The following PCDHGA2 variants were observed in gnomAD, a reference collection of about 807,000 sequenced individuals.
The protein encoded by PCDHGA2 is protocadherin gamma subfamily A, 2, also known as protocadherin gamma-A2.
A neutral mutation model predicts 59.2 loss-of-function variants in PCDHGA2; 40 were observed. The ratio of observed to expected loss-of-function variants is 0.68; its 90% confidence interval spans 0.52 to 0.88. PCDHGA2 has a LOEUF of 0.88. Among genes scored for constraint, PCDHGA2 ranks in the 40% least tolerant of loss-of-function variants. The pLI, the probability that PCDHGA2 is intolerant of heterozygous loss-of-function variation, is 0.00. For synonymous variants in PCDHGA2, 560 were observed against 526.0 expected (o/e 1.06, Z -0.89); for missense variants, 1,226 against 1,204.0 (o/e 1.02, Z -0.27).
intron 1 of PCDHGA2, chr5:141,419,333 A>T (rs1219255880): frequency 6.2e-7 from 1 of 1,613,804 alleles, no homozygotes; most frequent in South Asian, 1.1e-5. Context: ...CTACTCTCTC[A>T]TTGCCAGCGA....
rs767515334 is a variant in PCDHGA2, at chr5:141,403,753, C to A, written c.2424+62358C>A. ...CCTGGCTGCTTACTGCAACAGCCAG[C>A]GACCTGGATGAGGGAATCAACGGAA... is the stretch of plus-strand genomic sequence containing the variant. On this transcript the variant is annotated intron_variant, in intron 1 of 3. Transcript: ENST00000394576. The A allele has an allele frequency of 1.9e-6, 3 of 1,613,502 alleles. No individual in the cohort carries two copies. The Admixed American group carries it at 5.0e-5, about 27-fold the overall frequency.
chr5:141,399,697 T>C, intron 1 of PCDHGA2: 1 of 1,613,436 alleles, frequency 6.2e-7, no homozygotes. Context: ...GCTGCGCACC[T>C]TCGAACTCAC....
intron 1 of PCDHGA2, chr5:141,375,284 TATTATCGATTAGTGACAA>T: frequency 3.1e-6 from 5 of 1,613,832 alleles, no homozygotes; most frequent in Non-Finnish European, 4.2e-6. Context: ...AGTTGGCAAT[TATTATCGATTAGTGACAA>T]ATGCAGCTCT....
chr5:141,357,342 C>T (rs1760561177), intron 1 of PCDHGA2: 1 of 1,614,144 alleles, frequency 6.2e-7, no homozygotes, highest in Non-Finnish European at 8.5e-7. Context: ...TGCTAGCACT[C>T]AAGCTGAGAC....
At chr5:141,410,513 G>C in intron 1 of PCDHGA2, 1 of 1,613,954 alleles carries the variant, frequency 6.2e-7, no homozygotes, top group Non-Finnish European at 8.5e-7. Context: ...AAAATGCAGT[G>C]TGCCCCTACA....
intron 1 of PCDHGA2, chr5:141,366,487 G>C (rs962948172): frequency 6.2e-7 from 1 of 1,614,236 alleles, no homozygotes; most frequent in East Asian, 2.2e-5. Flanking sequence ...TGAGGCGCTG[G>C]CACAAGTCAC....
intron 1 of PCDHGA2, chr5:141,371,970 C>T: frequency 6.2e-7 from 1 of 1,613,250 alleles, no homozygotes; most frequent in East Asian, 2.2e-5. Context: ...CGAGCAGCTG[C>T]GTGCCTTCGA....
Position 141,485,519 on chromosome 5 carries a change from A to T in PCDHGA2, c.2425-9288A>T. ...GTTTGTCACCGAAGGTCCTTTGGAA[A>T]TGTACCGAGCAGAGGTAGAGATCGT... On this transcript the variant is annotated intron_variant, in intron 1 of 3. Transcript: ENST00000394576. The surrounding 1 kb of genome is among the most constrained non-coding windows in gnomAD (Gnocchi z 5.7). The T allele has an allele frequency of 6.2e-7, 1 of 1,614,150 alleles. No individual in the cohort carries two copies. The highest frequency in any genetic ancestry group is 8.5e-7 in the Non-Finnish European group (1 of 1,180,018).
chr5:141,375,973 C>T (rs577451422), intron 1 of PCDHGA2: 6 of 1,613,256 alleles, frequency 3.7e-6, no homozygotes, highest in Non-Finnish European at 4.2e-6. Context: ...GCACGGCGCG[C>T]GCCCTGCTGG....
At chr5:141,374,714 G>A (rs1236113306) in intron 1 of PCDHGA2, 1 of 1,609,850 alleles carries the variant, frequency 6.2e-7, no homozygotes, top group Middle Eastern at 1.7e-4. Flanking sequence ...TTACCGCCTG[G>A]TCCTTACTGC....
chr5:141,423,798 A>G (rs551396089), intron 1 of PCDHGA2: 76 of 1,222,390 alleles, frequency 6.2e-5, no homozygotes, highest in Middle Eastern at 4.5e-4. Context: ...TATTTAGAGC[A>G]ATACATGTGA....
chr5:141,490,098 T>C lies in PCDHGA2; in HGVS notation c.2425-4709T>C, dbSNP rs774132407. On this transcript the variant is annotated intron_variant, in intron 1 of 3. Transcript: ENST00000394576. The surrounding 1 kb of genome is among the most constrained non-coding windows in gnomAD (Gnocchi z 5.4). ...ACTATTCTTTTGGAGACCACACATCTGAGGCAGTGCGGAACCTCTTTGGCC... is the reference window on the plus strand; with the variant it reads ...ACTATTCTTTTGGAGACCACACATCCGAGGCAGTGCGGAACCTCTTTGGCC... The C allele has an allele frequency of 6.2e-7, 1 of 1,614,260 alleles. No homozygotes were observed. The highest frequency in any genetic ancestry group is 8.5e-7 in the Non-Finnish European group (1 of 1,180,038).
intron 1 of PCDHGA2, chr5:141,391,595 T>C (rs1353226414): frequency 6.6e-6 from 1 of 152,188 alleles, no homozygotes; most frequent in Non-Finnish European, 1.5e-5. Flanking sequence ...AAATATAAAG[T>C]TTTCAGATTT....
chr5:141,374,376 A>G (rs1770434456), intron 1 of PCDHGA2: 8 of 1,613,952 alleles, frequency 5.0e-6, no homozygotes, highest in Non-Finnish European at 6.8e-6. Context: ...CTCTGTGCTC[A>G]GAGCCCGCGG....
intron 2 of PCDHGA2, among the ~76,000 whole-genome samples, chr5:141,500,453 C>T (rs1403599390): frequency 6.6e-6 from 1 of 152,130 alleles, no homozygotes; most frequent in South Asian, 2.1e-4. Context: ...TCGTGATCCG[C>T]CCGCCTCGGC....
chr5:141,452,054 C>T (rs578157525), intron 1 of PCDHGA2, among the ~76,000 whole-genome samples: 2 of 152,078 alleles, frequency 1.3e-5, no homozygotes, highest in Admixed American at 1.3e-4. Flanking sequence ...TTTGTAATAA[C>T]TTATTCTACT....
At chr5:141,408,836 T>G in intron 1 of PCDHGA2, 1 of 1,613,680 alleles carries the variant, frequency 6.2e-7, no homozygotes, top group Non-Finnish European at 8.5e-7. Context: ...TAGCTTGATA[T>G]TGACTGCCTT....
At chr5:141,400,411 T>G in intron 1 of PCDHGA2, 1 of 1,614,062 alleles carries the variant, frequency 6.2e-7, no homozygotes, top group Non-Finnish European at 8.5e-7. Flanking sequence ...GGAGTTTAAT[T>G]TCCTAAAATG....
chr5:141,500,062 TAA>T (rs1314388217), intron 2 of PCDHGA2, among the ~76,000 whole-genome samples: 1 of 152,144 alleles, frequency 6.6e-6, no homozygotes, highest in East Asian at 1.9e-4. Flanking sequence ...TCTTTTAATG[TAA>T]AAGACTTCCC....
Sources: gnomAD v4.1 joint callset for allele counts (sites outside exome capture counted in the v4.1 genomes callset) on GRCh38, gnomAD v4.1.1 for gene constraint, Gnocchi (gnomAD v3.1) non-coding constraint, MANE v1.5 for transcripts, NCBI Gene and HGNC (gene_info 2026-07-23, HGNC 2026-07-21) for gene names.